Variants in OSBPL8 observed in about 807,000 individuals in gnomAD.
OSBPL8 encodes oxysterol-binding protein-related protein 8.
A neutral mutation model predicts 125.5 loss-of-function variants in OSBPL8; 59 were observed. That is an observed-to-expected ratio of 0.47 (90% CI 0.38 to 0.58). The LOEUF is 0.58. OSBPL8 is among the 20% of genes least tolerant of loss of function. The pLI, the probability that OSBPL8 is intolerant of heterozygous loss-of-function variation, is 0.00. For missense variants in OSBPL8, 758 were observed against 1,047.8 expected, an observed-to-expected ratio of 0.72 and a Z score of 3.82; for synonymous variants, 330 against 338.9, an observed-to-expected ratio of 0.97 and a Z score of 0.29.
intron 21 of OSBPL8, among the ~76,000 whole-genome samples, chr12:76,362,482 C>T (rs1252452531): frequency 1.3e-5 from 2 of 152,122 alleles, no homozygotes; most frequent in Non-Finnish European, 2.9e-5. Context: ...AAATTCAACA[C>T]CCTTCATGCT....
At chr12:76,366,973 C>A (rs2136175903) in intron 21 of OSBPL8, among the ~76,000 whole-genome samples, 1 of 152,220 alleles carries the variant, frequency 6.6e-6, no homozygotes, top group South Asian at 2.1e-4. Flanking sequence ...TATGGTCTAT[C>A]CTGGAGAATG....
chr12:76,383,371 C>T (rs1953144650), intron 15 of OSBPL8, among the ~76,000 whole-genome samples: 1 of 139,280 alleles, frequency 7.2e-6, no homozygotes, highest in Admixed American at 7.7e-5. Flanking sequence ...CAAGCAATCA[C>T]CATCTTAAAC....
intron 1 of OSBPL8, among the ~76,000 whole-genome samples, chr12:76,493,528 C>A (rs1878956486): frequency 6.6e-6 from 1 of 152,134 alleles, no homozygotes. Flanking sequence ...TTTCTTTCAG[C>A]ACTTTAAATA....
At chr12:76,549,729 A>C (rs1950883105) in intron 1 of OSBPL8, among the ~76,000 whole-genome samples, 2 of 152,218 alleles carry the variant, frequency 1.3e-5, no homozygotes, top group African/African-American at 4.8e-5. Flanking sequence ...GAAGACAACA[A>C]AGCAATCCTT....
At chr12:76,504,561 G>A (rs1246997404) in intron 1 of OSBPL8, among the ~76,000 whole-genome samples, 1 of 152,158 alleles carries the variant, frequency 6.6e-6, no homozygotes, top group African/African-American at 2.4e-5. Flanking sequence ...TTTTAACAGT[G>A]AGAAAATTAT....
chr12:76,437,082 A>G (rs1399442382), intron 4 of OSBPL8, among the ~76,000 whole-genome samples: 1 of 152,152 alleles, frequency 6.6e-6, no homozygotes, highest in East Asian at 1.9e-4. Context: ...CATGACAAAC[A>G]TTTAGGTTTA....
At chr12:76,434,426 T>A (rs1229135530) in intron 4 of OSBPL8, among the ~76,000 whole-genome samples, 1 of 152,124 alleles carries the variant, frequency 6.6e-6, no homozygotes, top group Non-Finnish European at 1.5e-5. Context: ...AAAAAAAGCT[T>A]CTTGACATTG....
At chr12:76,497,032 G>C (rs1342682436) in intron 1 of OSBPL8, among the ~76,000 whole-genome samples, 3 of 152,162 alleles carry the variant, frequency 2.0e-5, no homozygotes, top group Non-Finnish European at 4.4e-5. Flanking sequence ...ATACCCTTAA[G>C]TGTTTGTACC....
chr12:76,530,509 TGCC>T (rs1182489490), intron 1 of OSBPL8, among the ~76,000 whole-genome samples: 1 of 152,216 alleles, frequency 6.6e-6, no homozygotes, highest in African/African-American at 2.4e-5. Flanking sequence ...AATAGCAACT[TGCC>T]TCCTCCCATT....
At chr12:76,551,729 C>G (rs901953759) in intron 1 of OSBPL8, among the ~76,000 whole-genome samples, 1 of 152,096 alleles carries the variant, frequency 6.6e-6, no homozygotes, top group Non-Finnish European at 1.5e-5. Flanking sequence ...GGAACAGTAT[C>G]CAGAGGATCT....
In OSBPL8 at chr12:76,464,783, G is replaced by A. The variant is rs564206261; in HGVS notation, c.43-4888C>T. 9.2e-5 allele frequency among the ~76,000 whole-genome samples: 14 copies of A among 152,292 alleles called. No homozygotes were observed. In the South Asian group the frequency reaches 2.9e-3, roughly 32 times the overall value. On this transcript the variant is annotated intron_variant, in intron 2 of 23. Transcript: ENST00000261183. The stretch of plus-strand genomic sequence containing the variant: ...TTTAAGTCATCTGACTCATGACAAA[G>A]AGCTCATCAAGCACTGATGTAGCTG...
intron 16 of OSBPL8, among the ~76,000 whole-genome samples, chr12:76,377,337 T>G (rs1457300650): frequency 6.6e-6 from 1 of 152,188 alleles, no homozygotes; most frequent in Non-Finnish European, 1.5e-5. Context: ...TCTAGATCCT[T>G]GAGGGATAGC....
At chr12:76,483,800 G>A (rs1421411936) in intron 2 of OSBPL8, among the ~76,000 whole-genome samples, 3 of 147,242 alleles carry the variant, frequency 2.0e-5, no homozygotes, top group Admixed American at 6.9e-5. Flanking sequence ...TCAGCCTCCC[G>A]GGTAGCTGGG....
intron 21 of OSBPL8, among the ~76,000 whole-genome samples, chr12:76,359,307 T>C (rs1398520865): frequency 2.0e-5 from 3 of 152,196 alleles, no homozygotes; most frequent in Non-Finnish European, 2.9e-5. Flanking sequence ...TTACTTTTAA[T>C]CACATCTGGG....
At chr12:76,453,221 G>C (rs1424176796) in intron 3 of OSBPL8, among the ~76,000 whole-genome samples, 1 of 152,100 alleles carries the variant, frequency 6.6e-6, no homozygotes, top group East Asian at 1.9e-4. Flanking sequence ...TATTGAAGGT[G>C]TCGCATCCTA....
At chr12:76,358,865 C>A in intron 21 of OSBPL8, 54 bp from the exon 22 acceptor site, 2 of 1,355,138 alleles carry the variant, frequency 1.5e-6, no homozygotes, top group South Asian at 2.3e-5. Flanking sequence ...GGACTAAAGA[C>A]CAACTGTGTA....
chr12:76,433,124 A>G (rs1871043271), intron 4 of OSBPL8, among the ~76,000 whole-genome samples: 1 of 152,234 alleles, frequency 6.6e-6, no homozygotes, highest in African/African-American at 2.4e-5. Flanking sequence ...TAACATAATA[A>G]GCAATAGAGA....
At chr12:76,525,249 A>T (rs1433961190) in intron 1 of OSBPL8, among the ~76,000 whole-genome samples, 1 of 152,194 alleles carries the variant, frequency 6.6e-6, no homozygotes, top group East Asian at 1.9e-4. Flanking sequence ...TTTTCCTGAT[A>T]TTTTACAGGA....
At chr12:76,386,470 G>A (rs552968899) in intron 13 of OSBPL8, 109 bp downstream of exon 13, 63 of 1,295,784 alleles carry the variant, frequency 4.9e-5, no homozygotes, top group South Asian at 3.1e-4. Flanking sequence ...ATTTTGCTAC[G>A]TCAAAGAAGC....
Sources: gnomAD v4.1 joint callset for allele counts (sites outside exome capture counted in the v4.1 genomes callset) on GRCh38, gnomAD v4.1.1 for gene constraint, MANE v1.5 for transcripts, NCBI Gene and HGNC (gene_info 2026-07-23, HGNC 2026-07-21) for gene names.